CTNNA2: variants seen among roughly 807,000 people sequenced by gnomAD.
CTNNA2 encodes the protein catenin alpha 2, also known as catenin alpha-2.
CTNNA2 carries 42 observed loss-of-function variants against 101.0 expected under a neutral mutation model. The observed-to-expected ratio is 0.42, with a 90% CI of 0.32 to 0.54. The LOEUF is 0.54. Ranked by LOEUF, CTNNA2 falls within the 20% of genes least tolerant of loss-of-function variation. The pLI, the probability that CTNNA2 is intolerant of heterozygous loss-of-function variation, is 0.14. For missense variants in CTNNA2, 871 were observed against 1,223.1 expected (o/e 0.71, Z 4.29); for synonymous variants, 450 against 456.4 (o/e 0.99, Z 0.18).
chr2:79,380,401 A>C (rs1434533154), intron 4 of CTNNA2, among the ~76,000 whole-genome samples: 1 of 151,680 alleles, frequency 6.6e-6, no homozygotes, highest in South Asian at 2.1e-4. Flanking sequence ...GGAAGATTTT[A>C]TGAATTTGGC....
chr2:79,409,987 T>C (rs1349394211), intron 4 of CTNNA2, among the ~76,000 whole-genome samples: 1 of 151,050 alleles, frequency 6.6e-6, no homozygotes, highest in East Asian at 2.0e-4. Flanking sequence ...TGAGCAGTGG[T>C]TTGTAGTTCT....
intron 7 of CTNNA2, among the ~76,000 whole-genome samples, chr2:79,982,930 T>A (rs924160119): frequency 2.6e-5 from 4 of 152,100 alleles, no homozygotes; most frequent in Admixed American, 2.0e-4. Flanking sequence ...TTATTTCATT[T>A]ATGAGGAACC....
chr2:80,089,604 G>T (rs1699656121), intron 7 of CTNNA2, among the ~76,000 whole-genome samples: 1 of 151,866 alleles, frequency 6.6e-6, no homozygotes, highest in African/African-American at 2.4e-5. Context: ...AAAAAAATTA[G>T]TAAAATTAGA....
In CTNNA2 at chr2:79,516,715, T is replaced by A. The variant is rs113432093; in HGVS notation, c.-6+3508T>A. Among the ~76,000 whole-genome samples the A allele has an allele frequency of 3.9e-3, 593 of 152,294 alleles. 3 individuals carry two copies. The highest frequency in any genetic ancestry group is 0.012 in the African/African-American group (508 of 41,568). Reference sequence around the variant, plus strand: ...CCATCCTGAGACATGGAATCCATGATCGGTGTCATAGTGAGGACCCAGAAT... The same window carrying A: ...CCATCCTGAGACATGGAATCCATGAACGGTGTCATAGTGAGGACCCAGAAT... On this transcript the variant is annotated intron_variant, in intron 1 of 18. Transcript: ENST00000402739.
chr2:80,162,494 C>G, intron 7 of CTNNA2: 1 of 1,602,932 alleles, frequency 6.2e-7, no homozygotes, highest in Non-Finnish European at 8.5e-7. Flanking sequence ...ACTGTCTCTT[C>G]TGTTATCATA....
intron 9 of CTNNA2, among the ~76,000 whole-genome samples, chr2:80,433,947 C>G (rs1681785288): frequency 6.6e-6 from 1 of 152,174 alleles, no homozygotes; most frequent in Non-Finnish European, 1.5e-5. Flanking sequence ...TTACTTTTCT[C>G]AAGATGAAAA....
chr2:80,337,563 T>C (rs1025457390), intron 7 of CTNNA2, among the ~76,000 whole-genome samples: 1 of 149,930 alleles, frequency 6.7e-6, no homozygotes, highest in Non-Finnish European at 1.5e-5. Flanking sequence ...CACACTCCCT[T>C]CACAAGCTCC....
intron 3 of CTNNA2, among the ~76,000 whole-genome samples, chr2:79,786,453 A>G (rs1369799050): frequency 1.3e-5 from 2 of 151,904 alleles, no homozygotes; most frequent in African/African-American, 4.8e-5. Context: ...CACACGTCTT[A>G]TTTTTACCTC....
chr2:80,077,673 A>G (rs1274717698), intron 7 of CTNNA2, among the ~76,000 whole-genome samples: 1 of 152,082 alleles, frequency 6.6e-6, no homozygotes, highest in East Asian at 1.9e-4. Flanking sequence ...ACATTTTGCT[A>G]AGCTAAACAA....
At chr2:79,343,148 T>C (rs1005386112) in intron 3 of CTNNA2, among the ~76,000 whole-genome samples, 4 of 152,292 alleles carry the variant, frequency 2.6e-5, no homozygotes, top group African/African-American at 7.2e-5. Context: ...GAAGATACAA[T>C]AAATAAATTA....
At chr2:79,459,799 C>T (rs1248137095) in intron 4 of CTNNA2, among the ~76,000 whole-genome samples, 3 of 152,186 alleles carry the variant, frequency 2.0e-5, no homozygotes, top group South Asian at 4.1e-4. Context: ...TCTTCACCTA[C>T]TCAGTTCAAC....
chr2:80,459,130 G>T (rs1684218319), intron 9 of CTNNA2, among the ~76,000 whole-genome samples: 1 of 152,086 alleles, frequency 6.6e-6, no homozygotes. Flanking sequence ...TAGGCACGTA[G>T]TAGGATACAT....
At chr2:79,926,761 G>C (rs1320548589) in intron 7 of CTNNA2, among the ~76,000 whole-genome samples, 1 of 151,626 alleles carries the variant, frequency 6.6e-6, no homozygotes, top group East Asian at 1.9e-4. Context: ...AGTTTATTGA[G>C]TGTTATGTTT....
At chr2:80,485,645 T>C (rs548087290) in intron 9 of CTNNA2, among the ~76,000 whole-genome samples, 1 of 152,218 alleles carries the variant, frequency 6.6e-6, no homozygotes, top group Non-Finnish European at 1.5e-5. Context: ...TTAGTTTTAA[T>C]AAATATTTTT....
chr2:80,286,856 T>G (rs1297091349), intron 7 of CTNNA2, among the ~76,000 whole-genome samples: 4 of 152,212 alleles, frequency 2.6e-5, no homozygotes, highest in Non-Finnish European at 4.4e-5. Flanking sequence ...CCCATTGTAT[T>G]GGTATGTAAA....
intron 15 of CTNNA2, among the ~76,000 whole-genome samples, chr2:80,599,769 A>T (rs887403992): frequency 1.3e-5 from 2 of 151,824 alleles, no homozygotes; most frequent in African/African-American, 2.4e-5. Flanking sequence ...GTAGTTCAAA[A>T]TTTTTTTTAA....
chr2:79,417,487 A>G (rs1678496250), intron 4 of CTNNA2, among the ~76,000 whole-genome samples: 1 of 152,186 alleles, frequency 6.6e-6, no homozygotes. Flanking sequence ...TCATGGACTG[A>G]ATCAGCAAGT....
intron 1 of CTNNA2, among the ~76,000 whole-genome samples, chr2:79,612,710 T>G (rs1203261348): frequency 2.6e-5 from 4 of 152,104 alleles, no homozygotes; most frequent in Non-Finnish European, 5.9e-5. Flanking sequence ...TGACTTGATT[T>G]TTACAACATA....
At chr2:79,717,313 C>T (rs971498114) in intron 2 of CTNNA2, among the ~76,000 whole-genome samples, 3 of 152,210 alleles carry the variant, frequency 2.0e-5, no homozygotes, top group Admixed American at 6.5e-5. Context: ...GCAGAAGTTT[C>T]CTTCCATCAC....
Sources: allele counts gnomAD v4.1 joint callset (sites outside exome capture counted in the v4.1 genomes callset), GRCh38; gene constraint gnomAD v4.1.1; transcripts MANE v1.5; gene names NCBI Gene and HGNC (gene_info 2026-07-23, HGNC 2026-07-21).